Variants in KANK1 observed in about 807,000 individuals in gnomAD.
The protein encoded by KANK1 is KN motif and ankyrin repeat domains 1.
A neutral mutation model predicts 106.2 loss-of-function variants in KANK1; 109 were observed. That is an observed-to-expected ratio of 1.03 (90% CI 0.88 to 1.20). The LOEUF is 1.20. Ranked by LOEUF, KANK1 falls within the 50% of genes most tolerant of loss-of-function variation. The pLI is 0.00. For synonymous variants in KANK1, 873 were observed against 652.2 expected (o/e 1.34, Z -5.16); for missense variants, 2,399 against 1,710.7 (o/e 1.40, Z -7.10).
Position 525,287 on chromosome 9 carries a change from T to C in KANK1, c.-84+20533T>C, listed in dbSNP as rs981323364. On this transcript the variant is annotated intron_variant, in intron 1 of 11. Coordinates refer to ENST00000382297, the MANE Select transcript of KANK1 (RefSeq NM_015158.5). The stretch of plus-strand genomic sequence containing the variant: ...TGGGATTACAGGCGTGAGCTACTGC[T>C]CCCAGCCAACTCTTGCTTCTTAAAC... 2.0e-5 allele frequency among the ~76,000 whole-genome samples: 3 copies of C among 151,310 alleles called. No individual in the cohort carries two copies. The East Asian group carries it at 5.8e-4, about 29-fold the overall frequency.
intron 1 of KANK1, among the ~76,000 whole-genome samples, chr9:535,976 C>G (rs944221988): frequency 6.6e-6 from 1 of 152,160 alleles, no homozygotes; most frequent in African/African-American, 2.4e-5. Flanking sequence ...TAACAGCACC[C>G]CACTTCCAGG....
At chr9:662,649 C>T (rs1843597408) in intron 1 of KANK1, among the ~76,000 whole-genome samples, 2 of 146,012 alleles carry the variant, frequency 1.4e-5, no homozygotes, top group Non-Finnish European at 3.0e-5. Flanking sequence ...CTTCCTTACA[C>T]CTTATACAAA....
intron 1 of KANK1, among the ~76,000 whole-genome samples, chr9:630,213 A>G (rs1835335049): frequency 6.6e-6 from 1 of 151,788 alleles, no homozygotes; most frequent in African/African-American, 2.4e-5. Flanking sequence ...GCACCACTGC[A>G]TTCCAGCCTG....
chr9:642,022 C>G (rs1838571987), intron 1 of KANK1, among the ~76,000 whole-genome samples: 1 of 152,148 alleles, frequency 6.6e-6, no homozygotes, highest in African/African-American at 2.4e-5. Flanking sequence ...ACTAGGCAAT[C>G]ATTATTCTAC....
chr9:605,518 G>A (rs1301676299), intron 1 of KANK1, among the ~76,000 whole-genome samples: 1 of 151,720 alleles, frequency 6.6e-6, no homozygotes, highest in African/African-American at 2.4e-5. Context: ...TCCTCCTGCT[G>A]TAGACAGAAT....
intron 3 of KANK1, among the ~76,000 whole-genome samples, chr9:484,935 C>CAA (rs60286162): frequency 1.9e-4 from 27 of 144,492 alleles, no homozygotes; most frequent in African/African-American, 6.8e-4. Context: ...ATGGAGAATG[C>CAA]AAAAAAAAAA....
intron 1 of KANK1, among the ~76,000 whole-genome samples, chr9:511,878 A>G (rs1329113904): frequency 1.3e-5 from 2 of 151,962 alleles, no homozygotes; most frequent in Non-Finnish European, 2.9e-5. Flanking sequence ...AATTTGTTTT[A>G]TGGTGTTTTG....
chr9:723,270 A>T (rs543120705), intron 3 of KANK1, among the ~76,000 whole-genome samples: 1 of 152,310 alleles, frequency 6.6e-6, no homozygotes, highest in East Asian at 1.9e-4. Context: ...GAGAAGCTTT[A>T]AAAAGCCCTA....
At chr9:572,185 C>G (rs907511378) in intron 1 of KANK1, among the ~76,000 whole-genome samples, 1 of 108,832 alleles carries the variant, frequency 9.2e-6, no homozygotes, top group Non-Finnish European at 1.8e-5. Flanking sequence ...GAGACAGGGT[C>G]TTGCTCTTTT....
At chr9:548,054 G>C (rs2061040510) in intron 1 of KANK1, among the ~76,000 whole-genome samples, 1 of 151,970 alleles carries the variant, frequency 6.6e-6, no homozygotes, top group Admixed American at 6.5e-5. Context: ...GATAGCATAT[G>C]GTTTTCTATA....
chr9:666,580 T>A (rs367744025), intron 1 of KANK1, among the ~76,000 whole-genome samples: 1 of 152,320 alleles, frequency 6.6e-6, no homozygotes, highest in South Asian at 2.1e-4. Flanking sequence ...GCTGTGGATT[T>A]ATCATATATG....
chr9:589,852 A>G (rs1451851868), intron 1 of KANK1, among the ~76,000 whole-genome samples: 1 of 152,180 alleles, frequency 6.6e-6, no homozygotes, highest in Non-Finnish European at 1.5e-5. Flanking sequence ...GGAATTAGAA[A>G]TGCCTGCCAG....
intron 2 of KANK1, among the ~76,000 whole-genome samples, chr9:705,605 G>A (rs572138084): frequency 1.3e-5 from 2 of 151,718 alleles, no homozygotes; most frequent in African/African-American, 2.4e-5. Flanking sequence ...TTTTTGGGGG[G>A]GTGGGGGCGG....
chr9:706,910 G>C, intron 2 of KANK1: 1 of 985,482 alleles, frequency 1.0e-6, no homozygotes, highest in Non-Finnish European at 1.2e-6. Context: ...CCTCTCTGTA[G>C]AGATGCTTAA....
Position 742,200 on chromosome 9 carries a change from C to G in KANK1, c.3697-5C>G, listed in dbSNP as rs765114949. 1 of 1,613,834 alleles carries G rather than the reference C, an allele frequency of 6.2e-7. No individual in the cohort carries two copies. Among genetic ancestry groups the G allele is most frequent in the Non-Finnish European group, 8.5e-7 (1 of 1,179,778 alleles). Reference sequence around the variant, plus strand: ...TTCTGAAGTCCTTGTCATCTCTTCCCATAGGCGGGACAGACGGCCCTCATG... The same window carrying G: ...TTCTGAAGTCCTTGTCATCTCTTCCGATAGGCGGGACAGACGGCCCTCATG... On this transcript the variant is annotated splice_polypyrimidine_tract_variant and splice_region_variant and intron_variant, in intron 9 of 11. Coordinates refer to ENST00000382297, the MANE Select transcript of KANK1 (RefSeq NM_015158.5).
At chr9:477,284 T>C (rs2058122022) in intron 3 of KANK1, among the ~76,000 whole-genome samples, 1 of 151,708 alleles carries the variant, frequency 6.6e-6, no homozygotes, top group Non-Finnish European at 1.5e-5. Context: ...TTTGAGATTG[T>C]TACAGCAGGA....
At chr9:622,011 T>C (rs1035078380) in intron 1 of KANK1, among the ~76,000 whole-genome samples, 1 of 152,082 alleles carries the variant, frequency 6.6e-6, no homozygotes, top group Non-Finnish European at 1.5e-5. Flanking sequence ...CATTAAAAAT[T>C]TTTCCAGGTT....
At chr9:654,594 A>G (rs1197957756) in intron 1 of KANK1, among the ~76,000 whole-genome samples, 1 of 151,882 alleles carries the variant, frequency 6.6e-6, no homozygotes, top group Admixed American at 6.6e-5. Flanking sequence ...TTTCTCATCC[A>G]TTGTCTGCTT....
intron 1 of KANK1, among the ~76,000 whole-genome samples, chr9:599,259 C>G (rs1033504620): frequency 2.6e-5 from 4 of 151,544 alleles, no homozygotes; most frequent in Non-Finnish European, 5.9e-5. Context: ...CTCAGGTGAT[C>G]TGCCCATCCC....
Sources: gnomAD v4.1 joint callset for allele counts (sites outside exome capture counted in the v4.1 genomes callset) on GRCh38, gnomAD v4.1.1 for gene constraint, MANE v1.5 for transcripts, NCBI Gene and HGNC (gene_info 2026-07-23, HGNC 2026-07-21) for gene names.